Variants in CDH13 observed in about 807,000 individuals in gnomAD.
CDH13 encodes the protein cadherin 13.
In CDH13, 24 loss-of-function variants were observed where a neutral mutation model predicts 63.8. That is an observed-to-expected ratio of 0.38 (90% confidence interval 0.27 to 0.53). The LOEUF is 0.53. Ranked by LOEUF, CDH13 falls within the 20% of genes least tolerant of loss-of-function variation. CDH13 has a pLI of 0.85. For missense variants in CDH13, 1,049 were observed against 903.1 expected (o/e 1.16, Z -2.07); for synonymous variants, 503 against 355.3 (o/e 1.42, Z -4.67).
At chr16:82,856,387 AAAGAAAAG>A (rs2039692930) in intron 1 of CDH13, among the ~76,000 whole-genome samples, 1 of 28,370 alleles carries the variant, frequency 3.5e-5, no homozygotes, top group Non-Finnish European at 1.2e-4. Flanking sequence ...AAAAAAAAAA[AAAGAAAAG>A]AAAAGAAAAG....
intron 11 of CDH13, among the ~76,000 whole-genome samples, chr16:83,751,697 C>T (rs891291415): frequency 6.6e-6 from 1 of 152,122 alleles, no homozygotes; most frequent in Non-Finnish European, 1.5e-5. Context: ...ATAAACGGAC[C>T]AGAGGGGAAG....
intron 8 of CDH13, among the ~76,000 whole-genome samples, chr16:83,662,610 TG>T (rs1386370182): frequency 6.6e-6 from 1 of 152,206 alleles, no homozygotes; most frequent in South Asian, 2.1e-4. Flanking sequence ...GACAGGCATG[TG>T]GGGGGTATTA....
intron 1 of CDH13, among the ~76,000 whole-genome samples, chr16:82,657,174 T>C (rs1267045071): frequency 1.9e-5 from 2 of 105,694 alleles, no homozygotes; most frequent in Non-Finnish European, 4.4e-5. Context: ...ACATACATTA[T>C]GTTTTTTTCC....
intron 5 of CDH13, among the ~76,000 whole-genome samples, chr16:83,274,944 C>T (rs1327939644): frequency 6.6e-6 from 1 of 152,164 alleles, no homozygotes; most frequent in African/African-American, 2.4e-5. Context: ...TCTCAGTGAG[C>T]CCTCCTCTGC....
At position 83,244,405 on chromosome 16, in the gene CDH13, C is replaced by T. The variant is rs1268459484; in HGVS notation, c.636+26908C>T. 2.6e-5 allele frequency among the ~76,000 whole-genome samples: 4 copies of T among 152,126 alleles called. No homozygotes were observed. The East Asian group carries it at 7.7e-4, about 29-fold the overall frequency. On this transcript the variant is annotated intron_variant, in intron 5 of 13. Transcript: ENST00000567109. The stretch of plus-strand genomic sequence containing the variant: ...GGATTTCTATTTCCCATAAGTTTAT[C>T]AGCAGTAAGAAGTAACACTGCTAAT...
chr16:83,637,006 A>G (rs1372785068), intron 8 of CDH13, among the ~76,000 whole-genome samples: 1 of 152,130 alleles, frequency 6.6e-6, no homozygotes, highest in Non-Finnish European at 1.5e-5. Flanking sequence ...TTCTCTGCTG[A>G]TTAGTGATGA....
chr16:82,937,522 T>G (rs557837180), intron 2 of CDH13, among the ~76,000 whole-genome samples: 2 of 152,176 alleles, frequency 1.3e-5, no homozygotes, highest in Non-Finnish European at 2.9e-5. Flanking sequence ...TTCTCAGAGA[T>G]CTATTCCTAA....
chr16:82,806,326 T>C (rs2037140514), intron 1 of CDH13, among the ~76,000 whole-genome samples: 1 of 152,188 alleles, frequency 6.6e-6, no homozygotes, highest in Non-Finnish European at 1.5e-5. Context: ...AGATAATAGG[T>C]CGAGTAACCT....
chr16:82,783,282 C>A (rs1048914249), intron 1 of CDH13, among the ~76,000 whole-genome samples: 1 of 152,204 alleles, frequency 6.6e-6, no homozygotes, highest in Non-Finnish European at 1.5e-5. Flanking sequence ...TTTCCATAGC[C>A]CAAGCAAGGC....
intron 6 of CDH13, among the ~76,000 whole-genome samples, chr16:83,434,260 G>C (rs2072216039): frequency 6.6e-6 from 1 of 152,184 alleles, no homozygotes; most frequent in Non-Finnish European, 1.5e-5. Context: ...CAACATGGGA[G>C]AATCATAGGG....
chr16:83,462,428 C>T (rs559653822), intron 6 of CDH13, among the ~76,000 whole-genome samples: 1 of 152,312 alleles, frequency 6.6e-6, no homozygotes, highest in African/African-American at 2.4e-5. Flanking sequence ...TCAGGGACAG[C>T]TTACTATTGC....
At chr16:82,949,975 GA>G (rs954103407) in intron 2 of CDH13, among the ~76,000 whole-genome samples, 2 of 152,000 alleles carry the variant, frequency 1.3e-5, no homozygotes, top group African/African-American at 2.4e-5. Context: ...CAAGCAAAAG[GA>G]ATTCACAATG....
intron 11 of CDH13, among the ~76,000 whole-genome samples, chr16:83,756,878 AAAC>A (rs1461949148): frequency 6.6e-6 from 1 of 152,228 alleles, no homozygotes; most frequent in Non-Finnish European, 1.5e-5. Context: ...CTTCAAGAAA[AAAC>A]AACAAGGAGT....
chr16:83,775,181 C>G (rs764583883), intron 11 of CDH13, among the ~76,000 whole-genome samples: 3 of 151,798 alleles, frequency 2.0e-5, no homozygotes, highest in Non-Finnish European at 4.4e-5. Context: ...CTAAATCTCT[C>G]TGGACCTCAG....
chr16:82,786,925 C>A (rs529732714), intron 1 of CDH13, among the ~76,000 whole-genome samples: 1 of 152,272 alleles, frequency 6.6e-6, no homozygotes, highest in South Asian at 2.1e-4. Context: ...AGGGTCATGA[C>A]TGCTTAGCAA....
intron 7 of CDH13, among the ~76,000 whole-genome samples, chr16:83,550,931 T>C (rs2075478696): frequency 6.6e-6 from 1 of 152,152 alleles, no homozygotes; most frequent in Admixed American, 6.5e-5. Context: ...ATATTCCATC[T>C]CAGGAATAAA....
intron 5 of CDH13, among the ~76,000 whole-genome samples, chr16:83,299,738 C>T (rs758652919): frequency 1.3e-5 from 2 of 152,200 alleles, no homozygotes; most frequent in Non-Finnish European, 2.9e-5. Flanking sequence ...TTACTGCAAT[C>T]TCAAGTAATG....
chr16:82,636,244 C>A (rs1444416903), intron 1 of CDH13, among the ~76,000 whole-genome samples: 1 of 151,986 alleles, frequency 6.6e-6, no homozygotes, highest in Admixed American at 6.6e-5. Flanking sequence ...AACAAGGAGA[C>A]CAGGTGTTTG....
chr16:83,732,423 G>A (rs182781552), intron 10 of CDH13, among the ~76,000 whole-genome samples: 1 of 152,262 alleles, frequency 6.6e-6, no homozygotes, highest in South Asian at 2.1e-4. Context: ...TGAGTTGATG[G>A]TGGGAGGTGA....
Sources: gnomAD v4.1 joint callset for allele counts (sites outside exome capture counted in the v4.1 genomes callset) on GRCh38, gnomAD v4.1.1 for gene constraint, MANE v1.5 for transcripts, NCBI Gene and HGNC (gene_info 2026-07-23, HGNC 2026-07-21) for gene names.